Variants in DACH2 observed in about 807,000 individuals in gnomAD.
The protein encoded by DACH2 is dachshund family transcription factor 2, also known as dachshund homolog 2.
Under a neutral mutation model 35.8 loss-of-function variants are expected in DACH2, and 17 were observed. The observed-to-expected ratio is 0.48, with a 90% CI of 0.33 to 0.71. DACH2 has a LOEUF of 0.71. Among genes scored for constraint, DACH2 ranks in the 30% least tolerant of loss-of-function variants. DACH2 has a pLI of 0.02. For synonymous variants in DACH2, 195 were observed against 177.3 expected, an observed-to-expected ratio of 1.10 and a Z score of -0.79; for missense variants, 469 against 472.7, an observed-to-expected ratio of 0.99 and a Z score of 0.07.
chrX:86,713,017 A>T (rs1602836145), intron 5 of DACH2, among the ~76,000 whole-genome samples: 1 of 111,355 alleles, frequency 9.0e-6, no homozygotes, highest in South Asian at 3.7e-4. Context: ...TTATTTAGGA[A>T]TTCCTTTCAT....
intron 1 of DACH2, among the ~76,000 whole-genome samples, chrX:86,296,380 CAAAAAAAA>C (rs61713614): frequency 5.8e-5 from 4 of 68,440 alleles, no homozygotes; most frequent in East Asian, 8.9e-4. Context: ...GACTCCATCT[CAAAAAAAA>C]AAAAAAAAAA....
At chrX:86,629,230 T>C (rs2040171103) in intron 3 of DACH2, among the ~76,000 whole-genome samples, 2 of 111,141 alleles carry the variant, frequency 1.8e-5, no homozygotes, top group African/African-American at 6.5e-5. Flanking sequence ...ATGTCAGAAA[T>C]TAGGAGTGTT....
At chrX:86,269,647 G>A (rs1029424805) in intron 1 of DACH2, among the ~76,000 whole-genome samples, 1 of 111,367 alleles carries the variant, frequency 9.0e-6, no homozygotes, top group East Asian at 2.8e-4. Context: ...GAAATTTTCT[G>A]AAGAAGAGAT....
chrX:86,275,327 A>G (rs1237711529), intron 1 of DACH2, among the ~76,000 whole-genome samples: 1 of 112,047 alleles, frequency 8.9e-6, no homozygotes, highest in Non-Finnish European at 1.9e-5. Flanking sequence ...ATGTACAGGG[A>G]ATTACATTTT....
chrX:86,248,909 A>G (rs979791396), intron 1 of DACH2, among the ~76,000 whole-genome samples: 2 of 110,146 alleles, frequency 1.8e-5, no homozygotes, highest in Non-Finnish European at 3.8e-5. Context: ...CACACCCATA[A>G]CCATCTGATC....
intron 5 of DACH2, among the ~76,000 whole-genome samples, chrX:86,709,710 A>G (rs2041257170): frequency 8.9e-6 from 1 of 112,096 alleles, no homozygotes. Flanking sequence ...GAAATAAGCA[A>G]CCAAATTAAA....
At chrX:86,324,913 C>T (rs899257811) in intron 1 of DACH2, among the ~76,000 whole-genome samples, 4 of 110,212 alleles carry the variant, frequency 3.6e-5, no homozygotes, top group Non-Finnish European at 7.6e-5. Context: ...ATAGGACCAG[C>T]TGGTGGTGCC....
At chrX:86,702,922 G>T (rs920742182) in intron 5 of DACH2, among the ~76,000 whole-genome samples, 1 of 110,982 alleles carries the variant, frequency 9.0e-6, no homozygotes, top group Admixed American at 9.7e-5. Context: ...ATTCTATGAA[G>T]CCAGTATCAC....
intron 7 of DACH2, among the ~76,000 whole-genome samples, chrX:86,790,512 C>A (rs763789607): frequency 8.9e-5 from 10 of 112,011 alleles, no homozygotes; most frequent in Non-Finnish European, 1.9e-4. Flanking sequence ...TAACCACCAC[C>A]TGCCTCCAGT....
chrX:86,826,040 G>T (rs1330150160), intron 11 of DACH2, among the ~76,000 whole-genome samples: 2 of 111,597 alleles, frequency 1.8e-5, no homozygotes, highest in African/African-American at 3.3e-5. Flanking sequence ...AATACACTCA[G>T]ATTTGATTTT....
intron 1 of DACH2, among the ~76,000 whole-genome samples, chrX:86,254,140 T>A (rs1486353946): frequency 8.9e-6 from 1 of 111,826 alleles, no homozygotes; most frequent in Non-Finnish European, 1.9e-5. Context: ...ATTCTTTGCA[T>A]GTGGCATTTA....
chrX:86,719,257 GT>G (rs2041373072), intron 6 of DACH2, among the ~76,000 whole-genome samples: 3 of 111,463 alleles, frequency 2.7e-5, no homozygotes, highest in Admixed American at 1.9e-4. Context: ...GTCTTTATTT[GT>G]TTATCTGCTG....
At chrX:86,506,628 C>A (rs905362934) in intron 2 of DACH2, among the ~76,000 whole-genome samples, 5 of 111,244 alleles carry the variant, frequency 4.5e-5, no homozygotes, top group Admixed American at 1.9e-4. Flanking sequence ...CTCCTGGCCT[C>A]AAGTGATCCT....
At chrX:86,607,194 TTGA>T (rs1293107990) in intron 3 of DACH2, among the ~76,000 whole-genome samples, 2 of 111,874 alleles carry the variant, frequency 1.8e-5, no homozygotes, top group African/African-American at 3.2e-5. Flanking sequence ...AACATTATTA[TTGA>T]TAAGTGAGGA....
At chrX:86,686,541 AT>A (rs965903063) in intron 4 of DACH2, among the ~76,000 whole-genome samples, 332 of 111,171 alleles carry the variant, frequency 3.0e-3, no homozygotes, top group Non-Finnish European at 5.3e-3. Flanking sequence ...ATTGAAGGGT[AT>A]TTTTTTAAAA....
intron 3 of DACH2, among the ~76,000 whole-genome samples, chrX:86,600,800 T>C (rs369641104): frequency 9.0e-6 from 1 of 111,635 alleles, no homozygotes; most frequent in East Asian, 2.8e-4. Context: ...TTCAGTCTTT[T>C]GGCCGGATGC....
chrX:86,656,857 GTATATATATATATATATA>G (rs752576150), intron 4 of DACH2, among the ~76,000 whole-genome samples: 3 of 66,772 alleles, frequency 4.5e-5, no homozygotes, highest in African/African-American at 2.2e-4. Flanking sequence ...GTGTGTGTGT[GTATATATATATATATATA>G]TATATATATA....
intron 7 of DACH2, among the ~76,000 whole-genome samples, chrX:86,799,763 G>T (rs1776061087): frequency 8.9e-6 from 1 of 112,008 alleles, no homozygotes; most frequent in African/African-American, 3.2e-5. Flanking sequence ...TTTTTTTAAA[G>T]AATTTATTGG....
chrX:86,377,903 C>T (rs2035992142), intron 2 of DACH2, among the ~76,000 whole-genome samples: 1 of 110,222 alleles, frequency 9.1e-6, no homozygotes, highest in East Asian at 2.9e-4. Flanking sequence ...ACCCAAGTGA[C>T]CTGAAGCAGT....
Sources: allele counts gnomAD v4.1 joint callset (sites outside exome capture counted in the v4.1 genomes callset), GRCh38; gene constraint gnomAD v4.1.1; transcripts MANE v1.5; gene names NCBI Gene and HGNC (gene_info 2026-07-23, HGNC 2026-07-21).